TMC1: variants seen among roughly 807,000 people sequenced by gnomAD.
TMC1 encodes the protein transmembrane channel-like protein 1.
A neutral mutation model predicts 105.8 loss-of-function variants in TMC1; 84 were observed. That is an observed-to-expected ratio of 0.79 (90% CI 0.67 to 0.95). The LOEUF (loss-of-function observed/expected upper bound fraction) is 0.95. Among genes scored for constraint, TMC1 ranks in the 40% least tolerant of loss-of-function variants. TMC1 has a pLI of 0.00. For synonymous variants in TMC1, 315 were observed against 311.5 expected, an observed-to-expected ratio of 1.01 and a Z score of -0.12; for missense variants, 817 against 914.1, an observed-to-expected ratio of 0.89 and a Z score of 1.37.
At chr9:72,783,257 G>T (rs979954638) in intron 13 of TMC1, among the ~76,000 whole-genome samples, 2 of 152,108 alleles carry the variant, frequency 1.3e-5, no homozygotes, top group Non-Finnish European at 1.5e-5. Flanking sequence ...AAGAAGCCAA[G>T]AGTGGCTCAG....
chr9:72,570,265 G>GTGTGTGT (rs397946870), intron 1 of TMC1, among the ~76,000 whole-genome samples: 6 of 146,522 alleles, frequency 4.1e-5, no homozygotes, highest in Admixed American at 6.9e-5. Flanking sequence ...GTGTGTGTGT[G>GTGTGTGT]GTAAATACTT....
At chr9:72,632,702 T>A (rs1436902918) in intron 4 of TMC1, among the ~76,000 whole-genome samples, 1 of 151,682 alleles carries the variant, frequency 6.6e-6, no homozygotes, top group Non-Finnish European at 1.5e-5. Context: ...CAAATTCCAA[T>A]AAAAAGAATT....
At chr9:72,642,150 C>T (rs1023209977) in intron 4 of TMC1, among the ~76,000 whole-genome samples, 9 of 152,070 alleles carry the variant, frequency 5.9e-5, no homozygotes, top group Admixed American at 1.3e-4. Context: ...AAGGACTTCA[C>T]GAAGTAGATG....
At chr9:72,540,001 G>A (rs1323581477) in intron 1 of TMC1, among the ~76,000 whole-genome samples, 1 of 152,160 alleles carries the variant, frequency 6.6e-6, no homozygotes, top group Non-Finnish European at 1.5e-5. Context: ...TGGCGAGAGA[G>A]GAAGAGCGTG....
chr9:72,752,921 C>T (rs1244703924), intron 11 of TMC1, among the ~76,000 whole-genome samples: 2 of 152,152 alleles, frequency 1.3e-5, no homozygotes, highest in African/African-American at 4.8e-5. Flanking sequence ...ACTTTCACTT[C>T]TTTTACTTAC....
At chr9:72,645,852 C>T (rs1009768698) in intron 4 of TMC1, among the ~76,000 whole-genome samples, 5 of 152,158 alleles carry the variant, frequency 3.3e-5, no homozygotes, top group Non-Finnish European at 7.4e-5. Context: ...GTAAAAAAGA[C>T]TGCATTGACA....
At chr9:72,550,893 A>G (rs1823851466) in intron 1 of TMC1, among the ~76,000 whole-genome samples, 1 of 152,138 alleles carries the variant, frequency 6.6e-6, no homozygotes. Flanking sequence ...ATTATCCTGG[A>G]TTATCTGTGT....
intron 1 of TMC1, among the ~76,000 whole-genome samples, chr9:72,538,399 A>C (rs1221588114): frequency 8.5e-6 from 1 of 117,634 alleles, no homozygotes; most frequent in Admixed American, 8.1e-5. Flanking sequence ...AAATACTTGT[A>C]TTGTATTGTA....
At chr9:72,675,607 A>G (rs1182221430) in intron 5 of TMC1, among the ~76,000 whole-genome samples, 1 of 152,126 alleles carries the variant, frequency 6.6e-6, no homozygotes, top group Admixed American at 6.6e-5. Context: ...GCATGATGTA[A>G]TAGTTACAAT....
intron 21 of TMC1, among the ~76,000 whole-genome samples, chr9:72,827,557 T>G (rs373161450): frequency 3.4e-4 from 52 of 152,366 alleles, no homozygotes; most frequent in African/African-American, 1.2e-3. Context: ...GTTCCTGTAG[T>G]CTGTCCCTTC....
intron 12 of TMC1, among the ~76,000 whole-genome samples, chr9:72,768,336 T>G (rs1389782666): frequency 6.9e-6 from 1 of 145,236 alleles, no homozygotes; most frequent in Non-Finnish European, 1.5e-5. Flanking sequence ...GGTTGGGGGC[T>G]AGGGGAGGGA....
chr9:72,745,420 T>C (rs903275923), intron 10 of TMC1, among the ~76,000 whole-genome samples: 3 of 152,188 alleles, frequency 2.0e-5, no homozygotes, highest in Non-Finnish European at 4.4e-5. Context: ...CACCAGTTCA[T>C]AAAAAGTATT....
chr9:72,558,041 G>A (rs1378845289), intron 1 of TMC1, among the ~76,000 whole-genome samples: 1 of 152,042 alleles, frequency 6.6e-6, no homozygotes, highest in African/African-American at 2.4e-5. Flanking sequence ...GCACTGTAAG[G>A]GCAGCCAGGA....
At chr9:72,821,159 G>A in intron 20 of TMC1, 78 bp downstream of exon 20, 2 of 1,600,698 alleles carry the variant, frequency 1.2e-6, no homozygotes, top group Non-Finnish European at 1.7e-6. Context: ...CATTGTATAA[G>A]CTATTTTTTC....
intron 5 of TMC1, among the ~76,000 whole-genome samples, chr9:72,673,852 A>G (rs548602373): frequency 5.9e-5 from 9 of 152,306 alleles, no homozygotes; most frequent in East Asian, 3.9e-4. Flanking sequence ...TTAAGGAGAA[A>G]GTAATTCTAA....
At chr9:72,801,448 C>T (rs1166939158) in intron 17 of TMC1, among the ~76,000 whole-genome samples, 1 of 152,180 alleles carries the variant, frequency 6.6e-6, no homozygotes, top group East Asian at 1.9e-4. Flanking sequence ...ACAGGAGCCC[C>T]AGTTCAGCCT....
intron 8 of TMC1, among the ~76,000 whole-genome samples, chr9:72,727,027 G>T (rs935930811): frequency 5.3e-5 from 8 of 152,182 alleles, no homozygotes; most frequent in African/African-American, 1.9e-4. Flanking sequence ...ATCAAGCCAC[G>T]TAGATGGCCT....
intron 5 of TMC1, among the ~76,000 whole-genome samples, chr9:72,650,684 G>T (rs1185896347): frequency 6.6e-6 from 1 of 151,084 alleles, no homozygotes; most frequent in Non-Finnish European, 1.5e-5. Flanking sequence ...AGACCCCAGG[G>T]TCTGTTGTTT....
At chr9:72,716,929 A>C (rs978043905) in intron 8 of TMC1, among the ~76,000 whole-genome samples, 1 of 152,208 alleles carries the variant, frequency 6.6e-6, no homozygotes, top group Non-Finnish European at 1.5e-5. Context: ...CCTGGTCTGC[A>C]GGTTGTGAAG....
Sources: gnomAD v4.1 joint callset for allele counts (sites outside exome capture counted in the v4.1 genomes callset) on GRCh38, gnomAD v4.1.1 for gene constraint, MANE v1.5 for transcripts, NCBI Gene and HGNC (gene_info 2026-07-23, HGNC 2026-07-21) for gene names.